The following EML6 variants were observed in gnomAD, a reference collection of about 807,000 sequenced individuals.
The protein encoded by EML6 is echinoderm microtubule-associated protein-like 6.
A neutral mutation model predicts 240.1 loss-of-function variants in EML6; 154 were observed. The ratio of observed to expected loss-of-function variants is 0.64; its 90% CI spans 0.56 to 0.73. EML6 has a LOEUF of 0.73. Among genes scored for constraint, EML6 ranks in the 30% least tolerant of loss-of-function variants. EML6 has a pLI of 0.00. For synonymous variants in EML6, 1,148 were observed against 899.0 expected (o/e 1.28, Z -4.95); for missense variants, 2,964 against 2,474.6 (o/e 1.20, Z -4.20).
chr2:54,838,422 C>T (rs938552796), intron 7 of EML6, among the ~76,000 whole-genome samples: 9 of 152,186 alleles, frequency 5.9e-5, no homozygotes, highest in South Asian at 2.1e-4. Context: ...GAGGAACTAA[C>T]GATATGAATG....
chr2:54,963,742 C>G (rs1011119326), intron 36 of EML6, among the ~76,000 whole-genome samples: 2 of 152,206 alleles, frequency 1.3e-5, no homozygotes, highest in Non-Finnish European at 2.9e-5. Flanking sequence ...GTGGGTGCTA[C>G]CTAATCATTT....
chr2:54,877,460 A>T (rs1477241310), intron 16 of EML6, among the ~76,000 whole-genome samples: 6 of 14,664 alleles, frequency 4.1e-4, no homozygotes, highest in Admixed American at 1.4e-3. Flanking sequence ...TAAAAGTCTT[A>T]AAAAAAAGCT....
intron 26 of EML6, among the ~76,000 whole-genome samples, chr2:54,922,729 A>C (rs1674324303): frequency 6.6e-6 from 1 of 152,154 alleles, no homozygotes; most frequent in African/African-American, 2.4e-5. Flanking sequence ...AAAAAGAAGG[A>C]AATCCTGTCA....
chr2:54,869,454 T>G, intron 15 of EML6, 87 bp downstream of exon 15: 2 of 1,016,014 alleles, frequency 2.0e-6, no homozygotes, highest in South Asian at 3.4e-5. Flanking sequence ...CAAGAAATGC[T>G]TGGTAGAAAT....
intron 11 of EML6, among the ~76,000 whole-genome samples, chr2:54,857,688 A>T (rs771178302): frequency 2.0e-5 from 3 of 152,194 alleles, no homozygotes; most frequent in Non-Finnish European, 4.4e-5. Context: ...TTGTGGTTTC[A>T]TTTGACTTAG....
intron 26 of EML6, among the ~76,000 whole-genome samples, chr2:54,926,300 C>T (rs181959458): frequency 2.8e-4 from 43 of 152,346 alleles, no homozygotes; most frequent in Middle Eastern, 3.4e-3. Flanking sequence ...CAGGGTTTCA[C>T]CATGTTGGCC....
intron 5 of EML6, among the ~76,000 whole-genome samples, chr2:54,825,006 A>G (rs1668518959): frequency 6.6e-6 from 1 of 152,200 alleles, no homozygotes; most frequent in African/African-American, 2.4e-5. Flanking sequence ...TTAGGGAATC[A>G]TTTGACTCTT....
At chr2:54,836,124 C>G (rs1294521316) in intron 7 of EML6, among the ~76,000 whole-genome samples, 1 of 152,158 alleles carries the variant, frequency 6.6e-6, no homozygotes, top group Non-Finnish European at 1.5e-5. Context: ...GCCCGAGCCT[C>G]AGGAGCTGGA....
intron 2 of EML6, among the ~76,000 whole-genome samples, chr2:54,802,851 C>T (rs1333583746): frequency 6.6e-6 from 1 of 152,232 alleles, no homozygotes; most frequent in African/African-American, 2.4e-5. Context: ...GAGACACACT[C>T]TTACACATGG....
chr2:54,968,979 C>G (rs1035056649), intron 41 of EML6, among the ~76,000 whole-genome samples: 2 of 152,116 alleles, frequency 1.3e-5, no homozygotes, highest in Non-Finnish European at 2.9e-5. Context: ...ATGGTTGTGA[C>G]TGGAGCTGTC....
At position 54,916,343 on chromosome 2, in the gene EML6, G is replaced by A. The variant is rs568448605; in HGVS notation, c.3499-416G>A. ...GGTATGCTACTGGCATCCAGTGGGC[G>A]GAGACCAGAGATGCTCTAAACATCC... On this transcript the variant is annotated intron_variant, in intron 25 of 41. Coordinates refer to ENST00000356458, the MANE Select transcript of EML6 (RefSeq NM_001039753.4). Among the ~76,000 whole-genome samples, 124 of 152,272 alleles carry A rather than the reference G, an allele frequency of 8.1e-4. 2 individuals carry two copies. The highest frequency in any genetic ancestry group is 2.9e-3 in the African/African-American group (120 of 41,554).
intron 26 of EML6, among the ~76,000 whole-genome samples, chr2:54,920,147 G>A (rs760573073): frequency 1.3e-5 from 2 of 152,080 alleles, no homozygotes; most frequent in Non-Finnish European, 2.9e-5. Flanking sequence ...TAAGCTTCCT[G>A]TTAGCAGAAG....
chr2:54,826,297 G>C lies in EML6; in HGVS notation c.526-1269G>C, dbSNP rs112209440. The stretch of plus-strand genomic sequence containing the variant: ...AAATAGCCCTTATAACCTGAGGGGG[G>C]GCTATATCAAGGGCAGTGAGGTTAT... On this transcript the variant is annotated intron_variant, in intron 5 of 41. Transcript: ENST00000356458. Among the ~76,000 whole-genome samples, 9 of 152,250 alleles carry C rather than the reference G, an allele frequency of 5.9e-5. No individual in the cohort carries two copies. The South Asian group carries it at 1.9e-3, about 32-fold the overall frequency.
chr2:54,749,983 G>T (rs1392874480), intron 2 of EML6, among the ~76,000 whole-genome samples: 1 of 152,210 alleles, frequency 6.6e-6, no homozygotes, highest in East Asian at 1.9e-4. Context: ...AAGAATTTCT[G>T]CTTGACACTA....
intron 40 of EML6, 125 bp downstream of exon 40, chr2:54,968,406 T>C (rs1360836845): frequency 8.4e-6 from 8 of 951,668 alleles, no homozygotes; most frequent in African/African-American, 1.7e-5. Flanking sequence ...AGTGGAAATA[T>C]GGCAATGAGT....
intron 35 of EML6, among the ~76,000 whole-genome samples, chr2:54,961,141 G>A (rs1318993609): frequency 6.8e-6 from 1 of 146,334 alleles, no homozygotes; most frequent in Non-Finnish European, 1.5e-5. Flanking sequence ...TATGGGAGAT[G>A]AAGGCAGGAC....
At chr2:54,820,171 A>T (rs1209616178) in intron 4 of EML6, among the ~76,000 whole-genome samples, 3 of 152,164 alleles carry the variant, frequency 2.0e-5, no homozygotes, top group African/African-American at 7.2e-5. Flanking sequence ...CTAAATAATT[A>T]TGGTAAGTTC....
At chr2:54,926,396 C>G (rs1414647292) in intron 26 of EML6, among the ~76,000 whole-genome samples, 1 of 152,270 alleles carries the variant, frequency 6.6e-6, no homozygotes, top group Non-Finnish European at 1.5e-5. Flanking sequence ...ACCAGTGCAC[C>G]TGGCCATATT....
intron 16 of EML6, among the ~76,000 whole-genome samples, chr2:54,878,442 G>C (rs374412733): frequency 4.3e-4 from 65 of 152,270 alleles, no homozygotes; most frequent in African/African-American, 1.5e-3. Context: ...ACCCAGAGAT[G>C]GTTCTGTGTT....
Sources: gnomAD v4.1 joint callset for allele counts (sites outside exome capture counted in the v4.1 genomes callset) on GRCh38, gnomAD v4.1.1 for gene constraint, MANE v1.5 for transcripts, NCBI Gene and HGNC (gene_info 2026-07-23, HGNC 2026-07-21) for gene names.